ZBTB20: variants seen among roughly 807,000 people sequenced by gnomAD.
ZBTB20 encodes zinc finger and BTB domain-containing protein 20.
Under a neutral mutation model 56.9 loss-of-function variants are expected in ZBTB20, and 9 were observed. The ratio of observed to expected loss-of-function variants is 0.16; its 90% confidence interval spans 0.10 to 0.28. The LOEUF (loss-of-function observed/expected upper bound fraction) is 0.28. Ranked by LOEUF, ZBTB20 falls within the 10% of genes least tolerant of loss-of-function variation. The pLI is 1.00. For missense variants in ZBTB20, 655 were observed against 1,003.0 expected (o/e 0.65, Z 4.69); for synonymous variants, 417 against 420.7 (o/e 0.99, Z 0.11).
At chr3:114,366,917 G>A (rs947090516) in intron 10 of ZBTB20, 7 of 122,406 alleles carry the variant, frequency 5.7e-5, no homozygotes, top group East Asian at 2.0e-4. Context: ...AATCCTCCTC[G>A]GAAGTGAAAC....
At chr3:114,870,186 G>A (rs923158184) in intron 4 of ZBTB20, among the ~76,000 whole-genome samples, 14 of 152,086 alleles carry the variant, frequency 9.2e-5, no homozygotes, top group African/African-American at 3.4e-4. Context: ...TTCTTATGGG[G>A]ATCTTGATTA....
chr3:114,487,692 GTCATCA>G, intron 7 of ZBTB20, among the ~76,000 whole-genome samples: 1 of 152,312 alleles, frequency 6.6e-6, no homozygotes, highest in East Asian at 1.9e-4. Flanking sequence ...AAGACGCCCT[GTCATCA>G]CAGTTTGCAC....
chr3:114,701,126 G>T (rs989725990), intron 5 of ZBTB20, among the ~76,000 whole-genome samples: 5 of 152,112 alleles, frequency 3.3e-5, no homozygotes, highest in Non-Finnish European at 7.4e-5. Flanking sequence ...GCAATAAAAG[G>T]ATTTCCTATT....
chr3:114,345,529 T>C (rs915114807), intron 11 of ZBTB20, among the ~76,000 whole-genome samples: 4 of 152,202 alleles, frequency 2.6e-5, no homozygotes, highest in African/African-American at 4.8e-5. Flanking sequence ...TCTAAACAGA[T>C]TCTTATTAGT....
intron 5 of ZBTB20, among the ~76,000 whole-genome samples, chr3:114,746,487 G>C (rs909319144): frequency 1.3e-5 from 2 of 152,012 alleles, no homozygotes; most frequent in African/African-American, 4.8e-5. Flanking sequence ...AGTAACAGAT[G>C]CATGGAGGGA....
At position 114,380,344 on chromosome 3, in the gene ZBTB20, C is replaced by A. The variant is rs577655760; in HGVS notation, c.72G>T (p.Pro24=). 6.5e-6 allele frequency: 10 copies of A among 1,537,048 alleles called. No individual in the cohort carries two copies. The highest frequency in any genetic ancestry group is 2.4e-5 in the East Asian group (1 of 40,924). Residue 24 remains proline (P), a synonymous_variant, in exon 10 of 12, where the codon CCG becomes CCT. Coordinates refer to ENST00000675478, the MANE Select transcript of ZBTB20 (RefSeq NM_001348800.3). ...KASEENEITQ[P]GGSSAKPGLP... The stretch of plus-strand genomic sequence containing the variant: ...GGCCCGGCTTGGCGCTGGATCCACC[C>A]GGCTGAGTAATCTCATTCTCCTCAG...
At chr3:114,367,427 C>T (rs1179462122) in intron 10 of ZBTB20, among the ~76,000 whole-genome samples, 1 of 152,082 alleles carries the variant, frequency 6.6e-6, no homozygotes, top group Non-Finnish European at 1.5e-5. Context: ...CACTATGCCC[C>T]GCTAACTGTT....
chr3:114,809,963 T>C (rs531302273), intron 4 of ZBTB20, among the ~76,000 whole-genome samples: 55 of 152,320 alleles, frequency 3.6e-4, no homozygotes, highest in Non-Finnish European at 1.5e-5. Context: ...TAATTTCCAT[T>C]TTCGTTTTTG....
intron 5 of ZBTB20, among the ~76,000 whole-genome samples, chr3:114,760,916 C>T (rs2068387286): frequency 6.6e-6 from 1 of 152,122 alleles, no homozygotes; most frequent in Admixed American, 6.6e-5. Flanking sequence ...ATTTTGTGGT[C>T]ACACATCTAC....
intron 3 of ZBTB20, among the ~76,000 whole-genome samples, chr3:114,918,329 C>T (rs144651787): frequency 0.011 from 1,689 of 152,138 alleles, 31 homozygotes; most frequent in South Asian, 0.069. Context: ...TCAGGAACCC[C>T]AAGAGCCCAC....
chr3:114,341,270 T>A (rs1012765906), intron 11 of ZBTB20, among the ~76,000 whole-genome samples: 4 of 152,222 alleles, frequency 2.6e-5, no homozygotes, highest in East Asian at 3.8e-4. Context: ...GTACCTTTTT[T>A]TTTTTTGAAG....
At chr3:114,827,193 T>C (rs539403844) in intron 4 of ZBTB20, among the ~76,000 whole-genome samples, 1 of 151,924 alleles carries the variant, frequency 6.6e-6, no homozygotes, top group African/African-American at 2.4e-5. Context: ...AGGCTTGCTT[T>C]GTAAACATCT....
intron 7 of ZBTB20, among the ~76,000 whole-genome samples, chr3:114,462,605 C>T (rs897483120): frequency 7.2e-5 from 11 of 152,176 alleles, no homozygotes; most frequent in African/African-American, 2.4e-4. Context: ...ATTATGGTCA[C>T]ATATTTTTTC....
intron 7 of ZBTB20, among the ~76,000 whole-genome samples, chr3:114,448,881 T>C (rs897355524): frequency 2.0e-5 from 3 of 152,316 alleles, no homozygotes; most frequent in Admixed American, 6.5e-5. Flanking sequence ...TAACCTTTTC[T>C]CTTGTAGGTT....
chr3:114,476,958 C>G (rs1343496595), intron 7 of ZBTB20, among the ~76,000 whole-genome samples: 3 of 152,166 alleles, frequency 2.0e-5, no homozygotes, highest in Non-Finnish European at 4.4e-5. Context: ...CTTCAGTTTT[C>G]TCATTTGAAA....
In ZBTB20 at chr3:114,562,497, A is replaced by G. The variant is rs1559963586; in HGVS notation, c.-294-62106T>C. On this transcript the variant is annotated intron_variant, in intron 6 of 11. Coordinates refer to ENST00000675478, the MANE Select transcript of ZBTB20 (RefSeq NM_001348800.3). ...TCTGCACCACTAAAACTTTCTCCAT[A>G]TCAACAATAAGGTTGCTTTGCCTTC... Among the ~76,000 whole-genome samples, 2 of 151,904 alleles carry G rather than the reference A, an allele frequency of 1.3e-5. 1 individual carries two copies. Among genetic ancestry groups the G allele is most frequent in the Non-Finnish European group, 2.9e-5 (2 of 67,886 alleles).
chr3:114,831,629 TG>T (rs1468371562), intron 4 of ZBTB20, among the ~76,000 whole-genome samples: 1 of 152,072 alleles, frequency 6.6e-6, no homozygotes, highest in African/African-American at 2.4e-5. Context: ...TCATTATTAT[TG>T]ATGGTATAGG....
At chr3:115,115,324 T>C (rs778683575) in intron 1 of ZBTB20, among the ~76,000 whole-genome samples, 1 of 152,086 alleles carries the variant, frequency 6.6e-6, no homozygotes, top group Non-Finnish European at 1.5e-5. Flanking sequence ...TATGTAACTA[T>C]AGATAACATA....
intron 6 of ZBTB20, among the ~76,000 whole-genome samples, chr3:114,625,807 G>C (rs1190080264): frequency 6.6e-6 from 1 of 152,004 alleles, no homozygotes; most frequent in East Asian, 1.9e-4. Flanking sequence ...TATAGCAAGG[G>C]GAGAGGGAAA....
Sources: gnomAD v4.1 joint callset for allele counts (sites outside exome capture counted in the v4.1 genomes callset) on GRCh38, gnomAD v4.1.1 for gene constraint, MANE v1.5 for transcripts, NCBI Gene and HGNC (gene_info 2026-07-23, HGNC 2026-07-21) for gene names.